SNX13: variants seen among roughly 807,000 people sequenced by gnomAD.
SNX13 encodes sorting nexin-13.
SNX13 carries 45 observed loss-of-function variants against 133.6 expected under a neutral mutation model. The ratio of observed to expected loss-of-function variants is 0.34; its 90% CI spans 0.27 to 0.43. The LOEUF is 0.43. Among genes scored for constraint, SNX13 ranks in the 20% least tolerant of loss-of-function variants. The pLI is 1.00. For missense variants in SNX13, 1,032 were observed against 1,145.1 expected, an observed-to-expected ratio of 0.90 and a Z score of 1.43; for synonymous variants, 414 against 373.9, an observed-to-expected ratio of 1.11 and a Z score of -1.24.
At position 17,816,254 on chromosome 7, in the gene SNX13, T is replaced by C. The variant is rs527770210; in HGVS notation, c.1881A>G (p.Gly627=). The part of the protein sequence containing the change: ...ESLSSILKLP[G]KKTFNNMDRD... ...TATCCATATTATTAAAAGTCTTTTT[T>C]CCAGGAAGTTTCAATATGCTTGAGA... The change falls in exon 19 of 26, where the codon GGA becomes GGG. Residue 627 remains glycine (G), a synonymous_variant. Transcript: ENST00000428135. The C allele has an allele frequency of 1.2e-5, 18 of 1,543,860 alleles. No homozygotes were observed. In the East Asian group the frequency reaches 4.2e-4, roughly 36 times the overall value.
At position 17,875,464 on chromosome 7, in the gene SNX13, T is replaced by A. The variant is rs1880457; in HGVS notation, c.664+16A>T. On this transcript the variant is annotated intron_variant, in intron 7 of 25. Coordinates refer to ENST00000428135, the MANE Select transcript of SNX13 (RefSeq NM_015132.5). ...AGCCAGCTACTATTGTCAAAAAAGT[T>A]AAATTAAAAGAAAACCTTCTTCATC... The A allele has an allele frequency of 3.9e-3, 6,196 of 1,600,422 alleles. 171 individuals are homozygous for A. In the African/African-American group the frequency reaches 0.068, roughly 18 times the overall value.
chr7:17,937,033 ACT>A (rs1172799612), intron 1 of SNX13, among the ~76,000 whole-genome samples: 1 of 149,790 alleles, frequency 6.7e-6, no homozygotes, highest in Non-Finnish European at 1.5e-5. Flanking sequence ...AAAAAAAAAA[ACT>A]AGCTAGACGT....
At chr7:17,901,253 T>C (rs1797800200) in intron 1 of SNX13, among the ~76,000 whole-genome samples, 1 of 152,066 alleles carries the variant, frequency 6.6e-6, no homozygotes, top group Non-Finnish European at 1.5e-5. Context: ...AAGGAGTCTT[T>C]CCCGGACCTG....
chr7:17,867,489 C>T (rs1378770207), intron 9 of SNX13, among the ~76,000 whole-genome samples: 1 of 151,988 alleles, frequency 6.6e-6, no homozygotes, highest in Non-Finnish European at 1.5e-5. Flanking sequence ...ATGCCTGTGT[C>T]CCAGCTACTT....
intron 1 of SNX13, among the ~76,000 whole-genome samples, chr7:17,923,672 T>C (rs1270913826): frequency 6.6e-6 from 1 of 151,948 alleles, no homozygotes; most frequent in African/African-American, 2.4e-5. Flanking sequence ...ACAGATCACA[T>C]ATGCAGGGAG....
At chr7:17,834,315 G>T in intron 14 of SNX13, 131 bp from the exon 15 acceptor site, 1 of 763,770 alleles carries the variant, frequency 1.3e-6, no homozygotes, top group Non-Finnish European at 1.9e-6. Context: ...TCAGCAATAA[G>T]ACTATTTCAC....
chr7:17,838,030 T>C (rs1789355906), intron 13 of SNX13, among the ~76,000 whole-genome samples: 1 of 151,966 alleles, frequency 6.6e-6, no homozygotes, highest in Non-Finnish European at 1.5e-5. Flanking sequence ...TTCTGTTTAC[T>C]GTAATCCTTT....
At chr7:17,936,912 A>G (rs570412755) in intron 1 of SNX13, among the ~76,000 whole-genome samples, 42 of 151,638 alleles carry the variant, frequency 2.8e-4, no homozygotes, top group African/African-American at 9.4e-4. Context: ...ACACTATGAC[A>G]AATTTTTTGC....
chr7:17,889,871 A>G (rs1796439154), intron 5 of SNX13: 1 of 152,158 alleles, frequency 6.6e-6, no homozygotes, highest in South Asian at 2.1e-4. Flanking sequence ...GAAAAATATA[A>G]ACTTGAATAT....
rs765091508 is a variant in SNX13, at chr7:17,821,595, G to A, written c.1759C>T (p.Arg587Trp). ...ATCTCCTCACTGTTTAGGTTGCGCC[G>A]GTGTACAGTGATGGCATATAATGCA... Reference protein sequence around the residue: ...TYALYAITVHRRNLNSEEMWK... With the variant: ...TYALYAITVHWRNLNSEEMWK... The change falls in exon 18 of 26, where the codon CGG (arginine) becomes TGG (tryptophan). Residue 587 changes from arginine to tryptophan, a missense_variant. Arg to Trp is a moderately radical substitution (Grantham distance 101). Coordinates refer to ENST00000428135, the MANE Select transcript of SNX13 (RefSeq NM_015132.5). The A allele has an allele frequency of 3.7e-6, 6 of 1,613,524 alleles. No homozygotes were observed. In the Admixed American group the frequency reaches 5.0e-5, roughly 13 times the overall value.
chr7:17,828,331 C>G (rs1414710979), intron 16 of SNX13, among the ~76,000 whole-genome samples: 1 of 151,672 alleles, frequency 6.6e-6, no homozygotes, highest in Non-Finnish European at 1.5e-5. Context: ...GAAATAAGCA[C>G]AATTTGCAAA....
intron 1 of SNX13, among the ~76,000 whole-genome samples, chr7:17,917,701 C>G (rs1190078908): frequency 2.0e-5 from 3 of 151,862 alleles, no homozygotes; most frequent in Non-Finnish European, 4.4e-5. Context: ...AGAATCAATA[C>G]TGTTAAAACG....
intron 13 of SNX13, among the ~76,000 whole-genome samples, chr7:17,839,580 C>T (rs1016580519): frequency 5.9e-5 from 9 of 151,762 alleles, no homozygotes; most frequent in Admixed American, 5.3e-4. Flanking sequence ...AATGTGTGAC[C>T]TTGAATCTTA....
chr7:17,804,053 G>A (rs1232022136), intron 20 of SNX13, among the ~76,000 whole-genome samples: 1 of 151,914 alleles, frequency 6.6e-6, no homozygotes, highest in Non-Finnish European at 1.5e-5. Context: ...GCAAAAGTGA[G>A]ACCCTTGTCA....
intron 5 of SNX13, chr7:17,880,546 G>A (rs141567714): frequency 1.8e-4 from 28 of 152,302 alleles, no homozygotes; most frequent in African/African-American, 6.3e-4. Context: ...CAGATTTTCT[G>A]GAGGTGGGGT....
At chr7:17,807,839 C>CCTCCAGCAAA (rs149137573) in intron 20 of SNX13, among the ~76,000 whole-genome samples, 95,860 of 151,504 alleles carry the variant, frequency 0.63, 32,477 homozygotes, top group African/African-American at 0.89. Flanking sequence ...CTGGAGTGGG[C>CCTCCAGCAAA]CTCCAGCAAA....
intron 9 of SNX13, among the ~76,000 whole-genome samples, chr7:17,862,266 C>T (rs1792799343): frequency 6.6e-6 from 1 of 152,034 alleles, no homozygotes; most frequent in South Asian, 2.1e-4. Context: ...ATAATTATAT[C>T]CTGATTATTT....
intron 20 of SNX13, among the ~76,000 whole-genome samples, chr7:17,809,475 A>C (rs1428951504): frequency 1.3e-5 from 2 of 151,718 alleles, no homozygotes; most frequent in African/African-American, 4.8e-5. Context: ...AGTTTCATAC[A>C]GCAAGAGACC....
At chr7:17,833,408 T>C (rs913794181) in intron 15 of SNX13, among the ~76,000 whole-genome samples, 5 of 151,664 alleles carry the variant, frequency 3.3e-5, no homozygotes, top group Admixed American at 6.6e-5. Flanking sequence ...CTCAGAAAAA[T>C]GAGGCTTGAA....
Sources: gnomAD v4.1 joint callset for allele counts (sites outside exome capture counted in the v4.1 genomes callset) on GRCh38, gnomAD v4.1.1 for gene constraint, MANE v1.5 for transcripts, NCBI Gene and HGNC (gene_info 2026-07-23, HGNC 2026-07-21) for gene names.